ARHGEF28: variants seen among roughly 807,000 people sequenced by gnomAD.
The protein encoded by ARHGEF28 is Rho guanine nucleotide exchange factor 28, also known as 190 kDa guanine nucleotide exchange factor.
Under a neutral mutation model 206.6 loss-of-function variants are expected in ARHGEF28, and 152 were observed. The observed-to-expected ratio is 0.74, with a 90% CI of 0.64 to 0.84. The LOEUF (loss-of-function observed/expected upper bound fraction) is 0.84. Among genes scored for constraint, ARHGEF28 ranks in the 40% least tolerant of loss-of-function variants. ARHGEF28 has a pLI of 0.00. For missense variants in ARHGEF28, 2,028 were observed against 2,073.2 expected (o/e 0.98, Z 0.42); for synonymous variants, 763 against 776.4 (o/e 0.98, Z 0.29).
At chr5:73,687,222 A>G (rs1747529597) in intron 2 of ARHGEF28, among the ~76,000 whole-genome samples, 2 of 152,302 alleles carry the variant, frequency 1.3e-5, no homozygotes, top group South Asian at 2.1e-4. Flanking sequence ...AGCATGTTAC[A>G]TGATAAAATC....
intron 11 of ARHGEF28, among the ~76,000 whole-genome samples, chr5:73,841,066 G>T (rs765244005): frequency 8.5e-5 from 13 of 152,186 alleles, no homozygotes; most frequent in Non-Finnish European, 1.9e-4. Flanking sequence ...GCATAAAGAT[G>T]ATAGGAGAGA....
chr5:73,661,510 C>G (rs531119957), intron 1 of ARHGEF28, among the ~76,000 whole-genome samples: 1 of 152,136 alleles, frequency 6.6e-6, no homozygotes, highest in Admixed American at 6.6e-5. Context: ...GCACAAGAGG[C>G]CTGCTTTCAG....
At chr5:73,674,071 T>C (rs1746508525) in intron 1 of ARHGEF28, among the ~76,000 whole-genome samples, 1 of 151,268 alleles carries the variant, frequency 6.6e-6, no homozygotes, top group African/African-American at 2.4e-5. Flanking sequence ...CTCAGAGGGC[T>C]GAGGTGGGAG....
chr5:73,693,574 T>C (rs4704095), intron 2 of ARHGEF28, among the ~76,000 whole-genome samples: 89,588 of 152,088 alleles, frequency 0.59, 28,193 homozygotes, highest in Admixed American at 0.73. Flanking sequence ...CAGCTAAGTC[T>C]AGCTTAGCCA....
At position 73,774,013 on chromosome 5, in the gene ARHGEF28, T is replaced by G. The variant is rs775025759; in HGVS notation, c.634T>G (p.Ser212Ala). The change falls in exon 5 of 36, where the codon TCC becomes GCC. Residue 212 changes from serine to alanine, a missense_variant. Ser to Ala is a moderately conservative substitution (Grantham distance 99). This residue lies in a region of ARHGEF28 where 1,002 missense variants were observed against 1,015.3 expected (regional missense o/e 0.99). Transcript: ENST00000513042. The stretch of plus-strand genomic sequence containing the variant: ...AGACTTAGCTTTACGTGAAGGACAC[T>G]CCAAGCTGGTGGAAGACGTCACAAA... ...PLDLALREGH[S>A]KLVEDVTNFQ... is the part of the protein sequence containing the mutation. 3 of 1,599,780 alleles carry G rather than the reference T, an allele frequency of 1.9e-6. No individual in the cohort carries two copies. Among genetic ancestry groups the G allele is most frequent in the Admixed American group, 3.5e-5 (2 of 57,908 alleles).
In ARHGEF28 at chr5:73,782,228, C is replaced by T. The variant is rs146019113; in HGVS notation, c.910+1483C>T. ...CCGAGGTGGGTGGATCACCTGAGGTCGGGGGTTCGAGACCAGCCTGACCAA... is the reference window on the plus strand; with the variant it reads ...CCGAGGTGGGTGGATCACCTGAGGTTGGGGGTTCGAGACCAGCCTGACCAA... On this transcript the variant is annotated intron_variant, in intron 7 of 35. Coordinates refer to ENST00000513042, the MANE Select transcript of ARHGEF28 (RefSeq NM_001177693.2). 7.6e-3 allele frequency among the ~76,000 whole-genome samples: 1,154 copies of T among 151,778 alleles called. 14 individuals are homozygous for T. Among genetic ancestry groups the T allele is most frequent in the African/African-American group, 0.026 (1,088 of 41,366 alleles).
intron 14 of ARHGEF28, 129 bp from the exon 15 acceptor site, chr5:73,857,527 T>G: frequency 1.9e-6 from 2 of 1,026,318 alleles, no homozygotes; most frequent in Non-Finnish European, 2.7e-6. Context: ...GAACAGCCAC[T>G]AAAACCTGAA....
chr5:73,671,696 A>T (rs1021447777), intron 1 of ARHGEF28, among the ~76,000 whole-genome samples: 1 of 11,144 alleles, frequency 9.0e-5, no homozygotes, highest in African/African-American at 2.3e-4. Context: ...GAACTTGATT[A>T]TATATATATA....
Position 73,840,687 on chromosome 5 carries a change from T to C in ARHGEF28, c.1354T>C (p.Cys452Arg). 8 of 1,613,142 alleles carry C rather than the reference T, an allele frequency of 5.0e-6. No individual in the cohort carries two copies. The highest frequency in any genetic ancestry group is 6.8e-6 in the Non-Finnish European group (8 of 1,179,466). Residue 452 changes from cysteine (C) to arginine (R), a missense_variant, in exon 11 of 36, where the codon TGT (cysteine) becomes CGT (arginine). By Grantham distance (180) the Cys-to-Arg change is radical (BLOSUM62 -3). Coordinates refer to ENST00000513042, the MANE Select transcript of ARHGEF28 (RefSeq NM_001177693.2). The part of the protein sequence containing the change: ...QQSFMSPSSS[C>R]ASNLNLSFGW... ...GTCCTTCATGTCACCATCAAGTTCG[T>C]GTGCTTCCAACTTGAATCTTTCTTT...
intron 9 of ARHGEF28, among the ~76,000 whole-genome samples, chr5:73,809,830 G>T (rs1026112371): frequency 6.6e-6 from 1 of 152,184 alleles, no homozygotes; most frequent in Non-Finnish European, 1.5e-5. Context: ...TTCCATGAAA[G>T]CATTCATACT....
intron 1 of ARHGEF28, among the ~76,000 whole-genome samples, chr5:73,654,890 C>A (rs1745085233): frequency 6.6e-6 from 1 of 152,174 alleles, no homozygotes; most frequent in Non-Finnish European, 1.5e-5. Flanking sequence ...TAAGCACATC[C>A]TTGCTCTGTC....
intron 2 of ARHGEF28, among the ~76,000 whole-genome samples, chr5:73,696,331 T>C (rs1276579586): frequency 2.0e-5 from 3 of 152,214 alleles, no homozygotes; most frequent in African/African-American, 7.2e-5. Flanking sequence ...CATACCCTTC[T>C]GCTCTCAGTT....
At chr5:73,745,865 A>G (rs1751692459) in intron 2 of ARHGEF28, among the ~76,000 whole-genome samples, 1 of 152,146 alleles carries the variant, frequency 6.6e-6, no homozygotes, top group Admixed American at 6.5e-5. Context: ...TCATATGTGA[A>G]ACAGAAGAGG....
chr5:73,893,617 G>C (rs1290654473), intron 28 of ARHGEF28, among the ~76,000 whole-genome samples: 1 of 152,200 alleles, frequency 6.6e-6, no homozygotes, highest in Non-Finnish European at 1.5e-5. Context: ...AATGACTTTG[G>C]ACAAGGAACC....
At chr5:73,766,056 G>T (rs1423724352) in intron 4 of ARHGEF28, among the ~76,000 whole-genome samples, 2 of 151,832 alleles carry the variant, frequency 1.3e-5, no homozygotes, top group Non-Finnish European at 2.9e-5. Flanking sequence ...GGAGCCTGAG[G>T]CAGGAGAATG....
chr5:73,724,738 T>C (rs1358538731), intron 2 of ARHGEF28, among the ~76,000 whole-genome samples: 1 of 152,260 alleles, frequency 6.6e-6, no homozygotes, highest in African/African-American at 2.4e-5. Context: ...TTTTAAAACT[T>C]TGTTCCTTTG....
chr5:73,655,409 C>G (rs1469837231), intron 1 of ARHGEF28, among the ~76,000 whole-genome samples: 1 of 152,224 alleles, frequency 6.6e-6, no homozygotes, highest in Non-Finnish European at 1.5e-5. Flanking sequence ...TGGAACTGTA[C>G]TTCACAGAGA....
At position 73,636,401 on chromosome 5, in the gene ARHGEF28, G is replaced by A. The variant is rs545817707; in HGVS notation, c.-12+10079G>A. Among the ~76,000 whole-genome samples the A allele has an allele frequency of 4.8e-4, 73 of 152,304 alleles. 1 individual carries two copies. Among genetic ancestry groups the A allele is most frequent in the African/African-American group, 1.6e-3 (66 of 41,574 alleles). On this transcript the variant is annotated intron_variant, in intron 1 of 35. Coordinates refer to ENST00000513042, the MANE Select transcript of ARHGEF28 (RefSeq NM_001177693.2). Reference sequence around the variant, plus strand: ...ACAGTAATTTGGATATTGTTTATTAGAGGTTTTTTCGTATTAAAAATAAAG... The same window carrying A: ...ACAGTAATTTGGATATTGTTTATTAAAGGTTTTTTCGTATTAAAAATAAAG...
At chr5:73,839,267 T>C (rs1295839059) in intron 10 of ARHGEF28, among the ~76,000 whole-genome samples, 3 of 152,228 alleles carry the variant, frequency 2.0e-5, no homozygotes, top group African/African-American at 7.2e-5. Context: ...TTAAGTACCA[T>C]GTCAGGAGAT....
Sources: gnomAD v4.1 joint callset for allele counts (sites outside exome capture counted in the v4.1 genomes callset) on GRCh38, gnomAD v4.1.1 for gene constraint, gnomAD v4.1.1 regional missense constraint, MANE v1.5 for transcripts, NCBI Gene and HGNC (gene_info 2026-07-23, HGNC 2026-07-21) for gene names.